Variants in MCMDC2 observed in about 807,000 individuals in gnomAD.
MCMDC2 encodes the protein minichromosome maintenance domain-containing protein 2.
MCMDC2 carries 54 observed loss-of-function variants against 75.8 expected under a neutral mutation model. The ratio of observed to expected loss-of-function variants is 0.71; its 90% CI spans 0.57 to 0.89. The LOEUF is 0.89. Among genes scored for constraint, MCMDC2 ranks in the 40% least tolerant of loss-of-function variants. The pLI, the probability that MCMDC2 is intolerant of heterozygous loss-of-function variation, is 0.00. For missense variants in MCMDC2, 656 were observed against 780.4 expected (o/e 0.84, Z 1.90); for synonymous variants, 249 against 274.6 (o/e 0.91, Z 0.92).
In MCMDC2 at chr8:66,874,520, A is replaced by T; in HGVS notation, c.226-7A>T. The T allele has an allele frequency of 6.2e-7, 1 of 1,612,848 alleles. No individual in the cohort carries two copies. The highest frequency in any genetic ancestry group is 1.1e-5 in the South Asian group (1 of 90,542). On this transcript the variant is annotated splice_region_variant and splice_polypyrimidine_tract_variant and intron_variant, in intron 3 of 14. Coordinates refer to ENST00000422365, the MANE Select transcript of MCMDC2 (RefSeq NM_173518.5). ...TTTTTGGTAACTTTTTTTGTTTGAA[A>T]TCACAGGTCTGTTTTATTGCTGTTA...
chr8:66,900,360 C>T (rs1812596714), intron 12 of MCMDC2, among the ~76,000 whole-genome samples: 4 of 152,018 alleles, frequency 2.6e-5, no homozygotes, highest in Admixed American at 2.6e-4. Flanking sequence ...ATCGCTTGAA[C>T]CCCAGAGGCT....
In MCMDC2 at chr8:66,870,829, A is replaced by G. The variant is rs1005136708; in HGVS notation, c.-91A>G. The G allele has an allele frequency of 1.3e-5, 2 of 152,280 alleles. No individual in the cohort carries two copies. Among genetic ancestry groups the G allele is most frequent in the African/African-American group, 4.8e-5 (2 of 41,466 alleles). 9.4% of individuals were successfully genotyped at this position (152,280 alleles called of 1,614,324 possible). On this transcript the variant is annotated splice_region_variant and 5_prime_UTR_variant, in exon 1 of 15. Coordinates refer to ENST00000422365, the MANE Select transcript of MCMDC2 (RefSeq NM_173518.5). ...GCAACCGCCAAGCTTGGTGGGAGTC[A>G]AGGTGAGTGCAAAGCACTACAGCGC...
At position 66,921,882 on chromosome 8, in the gene MCMDC2, A is replaced by G. The variant is rs1813549547; in HGVS notation, c.*2713A>G. ...TATTGACAAGATTATAATCTTTCGA[A>G]TATGTTCAAAACAGGTCTGACTAGT... On this transcript the variant is annotated 3_prime_UTR_variant, in exon 15 of 15. Transcript: ENST00000422365. 1 of 152,246 alleles carries G rather than the reference A, an allele frequency of 6.6e-6. No homozygotes were observed. The highest frequency in any genetic ancestry group is 1.5e-5 in the Non-Finnish European group (1 of 68,058). 9.4% of individuals were successfully genotyped at this position (152,246 alleles called of 1,614,324 possible). A position where few individuals can be genotyped will look rare whatever the true frequency, so the allele number is the denominator to read the frequency against.
intron 13 of MCMDC2, among the ~76,000 whole-genome samples, chr8:66,903,536 C>T (rs903378866): frequency 5.9e-5 from 9 of 152,326 alleles, no homozygotes; most frequent in African/African-American, 1.9e-4. Context: ...TACATCACAA[C>T]ACAGTGAAGC....
rs771686788 is a variant in MCMDC2, at chr8:66,896,932, A to G, written c.1599A>G (p.Arg533=). ...NPEGLFYAAS[R]QFTTEDFEKL... ...AAGGGCTGTTTTATGCGGCTTCTAG[A>G]CAGTTCACAACTGAAGATTTTGAAA... is the stretch of plus-strand genomic sequence containing the variant. The change falls in exon 12 of 15, where the codon AGA becomes AGG. Residue 533 remains arginine (R), a synonymous_variant. Transcript: ENST00000422365. 1 of 1,606,244 alleles carries G rather than the reference A, an allele frequency of 6.2e-7. No homozygotes were observed. The highest frequency in any genetic ancestry group is 8.5e-7 in the Non-Finnish European group (1 of 1,176,782).
At chr8:66,900,652 A>C (rs1280201027) in intron 12 of MCMDC2, among the ~76,000 whole-genome samples, 1 of 152,082 alleles carries the variant, frequency 6.6e-6, no homozygotes, top group Non-Finnish European at 1.5e-5. Context: ...CTGACTGTGA[A>C]AGAAAAGAAA....
intron 7 of MCMDC2, among the ~76,000 whole-genome samples, chr8:66,879,909 A>G (rs1811481395): frequency 6.6e-6 from 1 of 152,140 alleles, no homozygotes; most frequent in Non-Finnish European, 1.5e-5. Context: ...AAAGAGAAAA[A>G]AAGGAAGACC....
chr8:66,874,956 A>G (rs1811208068), intron 4 of MCMDC2, among the ~76,000 whole-genome samples: 1 of 152,048 alleles, frequency 6.6e-6, no homozygotes, highest in Non-Finnish European at 1.5e-5. Flanking sequence ...GGGTTTCACC[A>G]TGCTGGCCAG....
chr8:66,923,183 C>T (rs185071392), downstream of MCMDC2, among the ~76,000 whole-genome samples: 1 of 152,238 alleles, frequency 6.6e-6, no homozygotes, highest in East Asian at 1.9e-4. Context: ...TAAAAACTAA[C>T]GTGAAGACCT....
chr8:66,895,054 C>T (rs1411712427), intron 10 of MCMDC2, among the ~76,000 whole-genome samples: 22 of 152,180 alleles, frequency 1.4e-4, no homozygotes, highest in Admixed American at 1.4e-3. Flanking sequence ...ATACCAAAAT[C>T]CACAGATGCT....
At chr8:66,877,297 A>G in intron 4 of MCMDC2, 52 bp from the exon 5 acceptor site, 1 of 1,162,056 alleles carries the variant, frequency 8.6e-7, no homozygotes, top group Non-Finnish European at 1.2e-6. Flanking sequence ...TTGTAATACA[A>G]GTCAAATTGG....
Position 66,880,909 on chromosome 8 carries a change from G to A in MCMDC2, c.770G>A (p.Cys257Tyr). 2.6e-6 allele frequency: 4 copies of A among 1,568,540 alleles called. No homozygotes were observed. The highest frequency in any genetic ancestry group is 3.5e-6 in the Non-Finnish European group (4 of 1,157,968). ...NEYKIIGIPT[C>Y]VKTSQTAVCI... ...TATAAAATTATTGGAATTCCAACCT[G>A]TGTAAAAACCTCACAAACTGCTGTC... Residue 257 changes from cysteine (C) to tyrosine (Y), a missense_variant, in exon 8 of 15, where the codon TGT (cysteine) becomes TAT (tyrosine). By Grantham distance (194) the Cys-to-Tyr change is radical. Transcript: ENST00000422365.
At chr8:66,902,395 TAA>T (rs879876834) in intron 13 of MCMDC2, among the ~76,000 whole-genome samples, 2 of 131,656 alleles carry the variant, frequency 1.5e-5, no homozygotes, top group African/African-American at 2.8e-5. Flanking sequence ...CTTCTCAATT[TAA>T]AAAAAAAAAA....
rs1031720555 is a variant in MCMDC2 at position 66,919,323 on chromosome 8, A to G, written c.*154A>G. The stretch of plus-strand genomic sequence containing the variant: ...AAATATAAAATATAGTCCCCTCAAA[A>G]CTAATTGCTAATGGGATAAATACTA... On this transcript the variant is annotated 3_prime_UTR_variant, in exon 15 of 15. Coordinates refer to ENST00000422365, the MANE Select transcript of MCMDC2 (RefSeq NM_173518.5). The G allele has an allele frequency of 3.7e-6, 2 of 534,704 alleles. No individual in the cohort carries two copies. Among genetic ancestry groups the G allele is most frequent in the Middle Eastern group, 5.1e-4 (1 of 1,944 alleles). 33.1% of individuals were successfully genotyped at this position (534,704 alleles called of 1,614,324 possible).
intron 4 of MCMDC2, among the ~76,000 whole-genome samples, chr8:66,876,336 T>C (rs140619651): frequency 6.6e-6 from 1 of 152,366 alleles, no homozygotes; most frequent in African/African-American, 2.4e-5. Flanking sequence ...TTTGCCTTTA[T>C]AAAGAGTAAT....
rs1811152457 is a variant in MCMDC2 at position 66,874,068 on chromosome 8, CTA to C, written c.-71_-70del. 2.1e-6 allele frequency: 2 copies of C among 965,226 alleles called. No individual in the cohort carries two copies. Among genetic ancestry groups the C allele is most frequent in the African/African-American group, 1.7e-5 (1 of 60,032 alleles). The allele number at this position is 965,226 out of a possible 1,614,324, so 59.8% of individuals were successfully genotyped here. A position where few individuals can be genotyped will look rare whatever the true frequency, so the allele number is the denominator to read the frequency against. On this transcript the variant is annotated 5_prime_UTR_variant, in exon 2 of 15. It removes an upstream start codon present in the reference 5' UTR. Transcript: ENST00000422365. ...TTATTTCTAGGTTTTCACATCCTTT[CTA>C]TGAGTTTCGCCATCTATAGCTTTTA...
chr8:66,874,078 C>T lies in MCMDC2; in HGVS notation c.-63C>T, dbSNP rs986735299. ...GTTTTCACATCCTTTCTATGAGTTT[C>T]GCCATCTATAGCTTTTATCAACAAT... On this transcript the variant is annotated 5_prime_UTR_variant, in exon 2 of 15. Coordinates refer to ENST00000422365, the MANE Select transcript of MCMDC2 (RefSeq NM_173518.5). 91 of 1,109,508 alleles carry T rather than the reference C, an allele frequency of 8.2e-5. No individual in the cohort carries two copies. The highest frequency in any genetic ancestry group is 2.4e-4 in the Middle Eastern group (1 of 4,088). 68.7% of individuals were successfully genotyped at this position (1,109,508 alleles called of 1,614,324 possible).
intron 10 of MCMDC2, among the ~76,000 whole-genome samples, chr8:66,895,022 G>A (rs1183096365): frequency 1.3e-5 from 2 of 152,178 alleles, no homozygotes; most frequent in African/African-American, 2.4e-5. Context: ...TTCTCCAGGG[G>A]TTGGTTCCAG....
chr8:66,876,437 AAT>A (rs1377226421), intron 4 of MCMDC2, among the ~76,000 whole-genome samples: 3 of 152,114 alleles, frequency 2.0e-5, no homozygotes, highest in Non-Finnish European at 4.4e-5. Flanking sequence ...TGAACTTTTA[AAT>A]ATATATGGTA....
Sources: gnomAD v4.1 joint callset for allele counts (sites outside exome capture counted in the v4.1 genomes callset) on GRCh38, gnomAD v4.1.1 for gene constraint, MANE v1.5 for transcripts, NCBI Gene and HGNC (gene_info 2026-07-23, HGNC 2026-07-21) for gene names.